NTNG2: variants seen among roughly 807,000 people sequenced by gnomAD.
NTNG2 encodes netrin G2.
A neutral mutation model predicts 47.6 loss-of-function variants in NTNG2; 15 were observed. The observed-to-expected ratio is 0.32, with a 90% confidence interval of 0.21 to 0.49. The LOEUF (loss-of-function observed/expected upper bound fraction) is 0.49. NTNG2 is among the 20% of genes least tolerant of loss of function. NTNG2 has a pLI of 0.99. For missense variants in NTNG2, 578 were observed against 764.6 expected, an observed-to-expected ratio of 0.76 and a Z score of 2.88; for synonymous variants, 307 against 324.6, an observed-to-expected ratio of 0.95 and a Z score of 0.58.
chr9:132,173,951 G>A (rs368747448), intron 2 of NTNG2, among the ~76,000 whole-genome samples: 3 of 142,006 alleles, frequency 2.1e-5, no homozygotes, highest in East Asian at 2.3e-4. Flanking sequence ...ACCATGCTGC[G>A]GATGAGATGG....
rs1235364194 is a variant in NTNG2, at chr9:132,198,003, C to T, written c.251C>T (p.Ser84Phe). ...PYLCSNECDA[S>F]NPDLAHPPRL... ...CTATGCAGCAACGAGTGTGACGCCTCCAACCCGGACCTGGCCCACCCGCCC... is the reference window on the plus strand; with the variant it reads ...CTATGCAGCAACGAGTGTGACGCCTTCAACCCGGACCTGGCCCACCCGCCC... Residue 84 changes from serine to phenylalanine, a missense_variant, in exon 3 of 8, where the codon TCC (serine) becomes TTC (phenylalanine). Coordinates refer to ENST00000393229, the MANE Select transcript of NTNG2 (RefSeq NM_032536.4). 6.2e-7 allele frequency: 1 copy of T among 1,613,438 alleles called. No homozygotes were observed. Among genetic ancestry groups the T allele is most frequent in the Admixed American group, 1.7e-5 (1 of 60,024 alleles).
intron 2 of NTNG2, among the ~76,000 whole-genome samples, chr9:132,173,871 ACAGG>A (rs1364992786): frequency 1.4e-5 from 2 of 142,190 alleles, no homozygotes; most frequent in Non-Finnish European, 3.0e-5. Context: ...AGACGGACAG[ACAGG>A]CAGGCCGCAC....
At chr9:132,214,014 G>A (rs188432023) in intron 3 of NTNG2, among the ~76,000 whole-genome samples, 6 of 152,186 alleles carry the variant, frequency 3.9e-5, no homozygotes, top group Non-Finnish European at 5.9e-5. Context: ...AGCCATTGCC[G>A]TGAACACTCT....
chr9:132,240,959 C>A lies in NTNG2; in HGVS notation c.1272C>A (p.Thr424=). The A allele has an allele frequency of 6.2e-7, 1 of 1,612,330 alleles. No homozygotes were observed. Among genetic ancestry groups the A allele is most frequent in the Non-Finnish European group, 8.5e-7 (1 of 1,179,768 alleles). The change falls in exon 7 of 8, where the codon ACC becomes ACA. Residue 424 remains threonine, a synonymous_variant. Transcript: ENST00000393229. Reference sequence around the variant, plus strand: ...CCGTGCACGACCGGTGCAACGAGACCGGCTTCTGCGAGTGCCGCGAGGGCG... The same window carrying A: ...CCGTGCACGACCGGTGCAACGAGACAGGCTTCTGCGAGTGCCGCGAGGGCG... ...IGSVHDRCNE[T]GFCECREGAA...
chr9:132,188,585 T>G (rs1006957617), intron 2 of NTNG2, among the ~76,000 whole-genome samples: 12 of 151,994 alleles, frequency 7.9e-5, no homozygotes, highest in African/African-American at 2.9e-4. Context: ...GGAGGTGGGG[T>G]TGAGGCACAC....
rs543434166 is a variant in NTNG2 at position 132,180,156 on chromosome 9, G to T, written c.213+13112G>T. Among the ~76,000 whole-genome samples the T allele has an allele frequency of 1.3e-5, 2 of 152,162 alleles. No homozygotes were observed. The highest frequency in any genetic ancestry group is 1.3e-4 in the Admixed American group (2 of 15,276). ...TTCCCTCCTGCTGCCCAAGTCATTC[G>T]TCCACTTGACTCCAAGAGTCGGCTG... On this transcript the variant is annotated intron_variant, in intron 2 of 7. Coordinates refer to ENST00000393229, the MANE Select transcript of NTNG2 (RefSeq NM_032536.4). The surrounding 1 kb of genome is among the most constrained non-coding windows in gnomAD (Gnocchi z 4.2).
intron 2 of NTNG2, among the ~76,000 whole-genome samples, chr9:132,177,898 C>A (rs1046192267): frequency 9.9e-5 from 15 of 152,212 alleles, no homozygotes; most frequent in African/African-American, 3.6e-4. Context: ...CTCAAGTGAT[C>A]TGCCCACCTC....
At chr9:132,173,195 C>T (rs1172831958) in intron 2 of NTNG2, among the ~76,000 whole-genome samples, 2 of 152,222 alleles carry the variant, frequency 1.3e-5, no homozygotes, top group African/African-American at 4.8e-5. Context: ...GACTTCGGCA[C>T]CTGAGCTGCA....
At chr9:132,213,634 C>T (rs759067579) in intron 3 of NTNG2, among the ~76,000 whole-genome samples, 9 of 152,174 alleles carry the variant, frequency 5.9e-5, no homozygotes, top group Non-Finnish European at 1.2e-4. Flanking sequence ...TCCAAGCCAC[C>T]GTAAGATCTG....
intron 3 of NTNG2, among the ~76,000 whole-genome samples, chr9:132,200,862 G>A (rs1242041968): frequency 6.6e-6 from 1 of 152,202 alleles, no homozygotes; most frequent in Non-Finnish European, 1.5e-5. Context: ...TTGTGGAACT[G>A]GTGTCCAGAC....
rs1174383785 is a variant in NTNG2, at chr9:132,180,361, GT to G, written c.213+13318del. Among the ~76,000 whole-genome samples the G allele has an allele frequency of 1.3e-5, 2 of 152,356 alleles. No homozygotes were observed. The highest frequency in any genetic ancestry group is 4.8e-5 in the African/African-American group (2 of 41,584). ...CAACAGGGCAGTGTCCTTCTGGGAG[GT>G]GTCCCTCCCTCTGGGGGATCAAGAG... On this transcript the variant is annotated intron_variant, in intron 2 of 7. Transcript: ENST00000393229. The surrounding 1 kb of genome is among the most constrained non-coding windows in gnomAD (Gnocchi z 4.2).
intron 6 of NTNG2, 71 bp from the exon 7 acceptor site, chr9:132,240,839 G>C: frequency 6.2e-7 from 1 of 1,606,870 alleles, no homozygotes; most frequent in Non-Finnish European, 8.5e-7. Context: ...GCGAGGCCGG[G>C]AGAGTGGGGG....
chr9:132,238,291 G>A (rs903248413), intron 5 of NTNG2, among the ~76,000 whole-genome samples: 6 of 152,162 alleles, frequency 3.9e-5, no homozygotes, highest in African/African-American at 1.2e-4. Flanking sequence ...AGGCAGTCAC[G>A]GGCTTGTCTG....
At chr9:132,188,166 TCGA>T (rs1837548291) in intron 2 of NTNG2, among the ~76,000 whole-genome samples, 1 of 152,210 alleles carries the variant, frequency 6.6e-6, no homozygotes, top group Admixed American at 6.5e-5. Context: ...TCCCCCGTGC[TCGA>T]GTCCTGGCCC....
intron 3 of NTNG2, among the ~76,000 whole-genome samples, chr9:132,225,757 C>T (rs1840706632): frequency 6.6e-6 from 1 of 152,202 alleles, no homozygotes; most frequent in South Asian, 2.1e-4. Context: ...AGCTTCACTT[C>T]TGCCATTAAT....
intron 4 of NTNG2, 87 bp downstream of exon 4, chr9:132,227,108 C>T: frequency 7.2e-7 from 1 of 1,388,336 alleles, no homozygotes; most frequent in Non-Finnish European, 9.6e-7. Context: ...CATACACACG[C>T]ACACAAACCT....
At chr9:132,196,357 AT>A (rs1425845439) in intron 2 of NTNG2, among the ~76,000 whole-genome samples, 2 of 151,580 alleles carry the variant, frequency 1.3e-5, no homozygotes, top group African/African-American at 4.9e-5. Context: ...CGCCCGGGTA[AT>A]TTTTTTGTAT....
chr9:132,161,725 T>TGATG (rs1835055373), upstream of NTNG2: 1 of 151,686 alleles, frequency 6.6e-6, no homozygotes, highest in Non-Finnish European at 1.5e-5. The surrounding 1 kb of genome is among the most constrained non-coding windows in gnomAD (Gnocchi z 7.2). Flanking sequence ...TGATCGTGAG[T>TGATG]GATGGCAAGA....
At chr9:132,199,724 C>T (rs190093484) in intron 3 of NTNG2, among the ~76,000 whole-genome samples, 12 of 152,290 alleles carry the variant, frequency 7.9e-5, no homozygotes, top group African/African-American at 2.6e-4. Context: ...CTAGACAGGA[C>T]AGTCCAACGG....
Sources: gnomAD v4.1 joint callset for allele counts (sites outside exome capture counted in the v4.1 genomes callset) on GRCh38, gnomAD v4.1.1 for gene constraint, Gnocchi (gnomAD v3.1) non-coding constraint, MANE v1.5 for transcripts, NCBI Gene and HGNC (gene_info 2026-07-23, HGNC 2026-07-21) for gene names.